TRAPPC9: variants seen among roughly 807,000 people sequenced by gnomAD.
TRAPPC9 encodes the protein IKK2 binding protein.
TRAPPC9 carries 83 observed loss-of-function variants against 124.0 expected under a neutral mutation model. That is an observed-to-expected ratio of 0.67 (90% CI 0.56 to 0.80). TRAPPC9 has a LOEUF of 0.80. TRAPPC9 is among the 30% of genes least tolerant of loss of function. TRAPPC9 has a pLI of 0.00. For synonymous variants in TRAPPC9, 638 were observed against 617.5 expected (o/e 1.03, Z -0.49); for missense variants, 1,302 against 1,508.3 (o/e 0.86, Z 2.27).
intron 9 of TRAPPC9, among the ~76,000 whole-genome samples, chr8:140,349,280 G>A (rs1466301297): frequency 1.0e-3 from 91 of 91,098 alleles, no homozygotes; most frequent in Non-Finnish European, 1.7e-3. Context: ...GGGGGCGCAC[G>A]AAGGAAGGGC....
chr8:140,156,020 C>T (rs559212270), intron 17 of TRAPPC9, among the ~76,000 whole-genome samples: 76 of 152,254 alleles, frequency 5.0e-4, no homozygotes, highest in African/African-American at 1.8e-3. Flanking sequence ...CGAGCTCCCT[C>T]CAGTCATGTT....
chr8:140,060,003 T>C (rs1022490984), intron 17 of TRAPPC9, among the ~76,000 whole-genome samples: 1 of 152,256 alleles, frequency 6.6e-6, no homozygotes, highest in Non-Finnish European at 1.5e-5. Flanking sequence ...CTCCCAGTTA[T>C]GGTTCCTATC....
At chr8:139,862,779 G>A (rs931176876) in intron 21 of TRAPPC9, among the ~76,000 whole-genome samples, 3 of 152,212 alleles carry the variant, frequency 2.0e-5, no homozygotes, top group African/African-American at 4.8e-5. Context: ...GTGAGGCCAG[G>A]GGCTCCCCAG....
intron 19 of TRAPPC9, among the ~76,000 whole-genome samples, chr8:139,918,319 C>T (rs1223350731): frequency 6.6e-6 from 1 of 152,222 alleles, no homozygotes; most frequent in Non-Finnish European, 1.5e-5. Flanking sequence ...CACTCTGCTT[C>T]CTCGATCTGT....
chr8:140,378,568 T>C (rs1034592573), intron 7 of TRAPPC9, among the ~76,000 whole-genome samples: 9 of 152,108 alleles, frequency 5.9e-5, no homozygotes, highest in African/African-American at 2.2e-4. Context: ...CTTAATAAAC[T>C]CCCCTTTATA....
intron 21 of TRAPPC9, among the ~76,000 whole-genome samples, chr8:139,822,656 A>C (rs1825331442): frequency 6.6e-6 from 1 of 152,114 alleles, no homozygotes; most frequent in Non-Finnish European, 1.5e-5. Flanking sequence ...CATGGGAAGG[A>C]CAGCAGAGGG....
Position 139,808,213 on chromosome 8 carries a change from C to G in TRAPPC9, c.3056-76011G>C, listed in dbSNP as rs371493241. On this transcript the variant is annotated intron_variant, in intron 21 of 22. Coordinates refer to ENST00000438773, the MANE Select transcript of TRAPPC9 (RefSeq NM_001160372.4). ...GTGGCTCACGCCTATAATCCCAGCA[C>G]TTTGGGAGGCCGAGGCAGGAGGACT... Among the ~76,000 whole-genome samples the G allele has an allele frequency of 6.1e-4, 93 of 152,340 alleles. 1 individual carries two copies. The highest frequency in any genetic ancestry group is 2.2e-3 in the African/African-American group (91 of 41,566).
intron 21 of TRAPPC9, among the ~76,000 whole-genome samples, chr8:139,786,636 A>G (rs547290412): frequency 1.3e-5 from 2 of 152,366 alleles, no homozygotes; most frequent in South Asian, 4.1e-4. Flanking sequence ...TACATTTGTA[A>G]TAAGCCACAA....
intron 2 of TRAPPC9, among the ~76,000 whole-genome samples, chr8:140,440,920 A>G (rs377630137): frequency 6.7e-6 from 1 of 150,234 alleles, no homozygotes; most frequent in African/African-American, 2.4e-5. Flanking sequence ...CCCTGACTCC[A>G]ACCTCTGCAC....
chr8:140,415,565 A>T (rs1472739920), intron 5 of TRAPPC9, among the ~76,000 whole-genome samples: 4 of 152,166 alleles, frequency 2.6e-5, no homozygotes, highest in African/African-American at 9.7e-5. Flanking sequence ...CACAAAAAAA[A>T]AGAAAAGAAA....
intron 18 of TRAPPC9, among the ~76,000 whole-genome samples, chr8:139,998,683 C>T (rs918988572): frequency 6.6e-6 from 1 of 152,158 alleles, no homozygotes; most frequent in Non-Finnish European, 1.5e-5. Flanking sequence ...GATCACACCA[C>T]TGCACTCCAG....
chr8:139,793,303 C>T (rs994574045), intron 21 of TRAPPC9, among the ~76,000 whole-genome samples: 2 of 152,192 alleles, frequency 1.3e-5, no homozygotes, highest in Admixed American at 6.5e-5. Flanking sequence ...GTGCCCACCC[C>T]GGCTGTGCCC....
At chr8:140,001,488 A>G (rs1440703677) in intron 18 of TRAPPC9, among the ~76,000 whole-genome samples, 1 of 152,172 alleles carries the variant, frequency 6.6e-6, no homozygotes, top group East Asian at 1.9e-4. Flanking sequence ...AAATGAAAGC[A>G]GACAAATAGA....
Position 140,193,024 on chromosome 8 carries a change from G to A in TRAPPC9, c.2556+28435C>T, listed in dbSNP as rs565588449. 3.3e-5 allele frequency among the ~76,000 whole-genome samples: 5 copies of A among 152,232 alleles called. No individual in the cohort carries two copies. In the East Asian group the frequency reaches 5.8e-4, roughly 18 times the overall value. The stretch of plus-strand genomic sequence containing the variant: ...TGACCTCAAGTGATCCGCCCGCCTC[G>A]GCCTCCTAAAGTGCTGGGATTACAG... On this transcript the variant is annotated intron_variant, in intron 17 of 22. Coordinates refer to ENST00000438773, the MANE Select transcript of TRAPPC9 (RefSeq NM_001160372.4).
intron 4 of TRAPPC9, among the ~76,000 whole-genome samples, chr8:140,429,574 G>C (rs370892331): frequency 2.3e-4 from 35 of 151,104 alleles, no homozygotes; most frequent in African/African-American, 8.3e-4. Flanking sequence ...TAGAGGCCGA[G>C]GTGGGTGGAT....
At chr8:140,013,377 C>G (rs1286336007) in intron 18 of TRAPPC9, among the ~76,000 whole-genome samples, 2 of 152,242 alleles carry the variant, frequency 1.3e-5, no homozygotes, top group Non-Finnish European at 2.9e-5. Context: ...GTCGTCTAAA[C>G]AAACAACTCA....
intron 21 of TRAPPC9, among the ~76,000 whole-genome samples, chr8:139,762,033 C>A (rs1476584966): frequency 6.6e-6 from 1 of 151,896 alleles, no homozygotes; most frequent in East Asian, 2.0e-4. Flanking sequence ...CCGGCCCTGT[C>A]TGGGCTCCCA....
At chr8:140,258,033 A>C (rs560367668) in intron 15 of TRAPPC9, among the ~76,000 whole-genome samples, 8 of 152,376 alleles carry the variant, frequency 5.3e-5, no homozygotes, top group African/African-American at 1.9e-4. Flanking sequence ...CAAACAGGCC[A>C]GTGACCGCTC....
chr8:139,891,928 C>T (rs1035111900), intron 20 of TRAPPC9, among the ~76,000 whole-genome samples: 1 of 152,226 alleles, frequency 6.6e-6, no homozygotes, highest in Non-Finnish European at 1.5e-5. Flanking sequence ...CTGGCCAAGG[C>T]CACACACCAC....
Sources: gnomAD v4.1 joint callset for allele counts (sites outside exome capture counted in the v4.1 genomes callset) on GRCh38, gnomAD v4.1.1 for gene constraint, MANE v1.5 for transcripts, NCBI Gene and HGNC (gene_info 2026-07-23, HGNC 2026-07-21) for gene names.